PDE9A: variants seen among roughly 807,000 people sequenced by gnomAD.
PDE9A encodes high affinity cGMP-specific 3',5'-cyclic phosphodiesterase 9A.
PDE9A carries 60 observed loss-of-function variants against 87.4 expected under a neutral mutation model. The observed-to-expected ratio is 0.69, with a 90% CI of 0.56 to 0.85. The LOEUF (loss-of-function observed/expected upper bound fraction) is 0.85. PDE9A is among the 40% of genes least tolerant of loss of function. The pLI is 0.00. For synonymous variants in PDE9A, 272 were observed against 279.4 expected (o/e 0.97, Z 0.27); for missense variants, 665 against 779.0 (o/e 0.85, Z 1.74).
At chr21:42,655,244 G>A (rs535195570) in intron 1 of PDE9A, among the ~76,000 whole-genome samples, 5 of 152,194 alleles carry the variant, frequency 3.3e-5, no homozygotes, top group East Asian at 1.9e-4. Flanking sequence ...TTTTCTGCCC[G>A]ATAGATGAGA....
At position 42,769,112 on chromosome 21, in the gene PDE9A, T is replaced by G; in HGVS notation, c.1547T>G (p.Phe516Cys). ...ACCAAGGCCACAGCCCAGATTGGGT[T>G]CATCAAGTTTGTCCTGATCCCAATG... The part of the protein sequence containing the change: ...KVTKATAQIG[F>C]IKFVLIPMFE... Residue 516 changes from phenylalanine to cysteine, a missense_variant, in exon 17 of 20, where the codon TTC becomes TGC. Coordinates refer to ENST00000291539, the MANE Select transcript of PDE9A (RefSeq NM_002606.3). 1 of 1,613,958 alleles carries G rather than the reference T, an allele frequency of 6.2e-7. No individual in the cohort carries two copies. Among genetic ancestry groups the G allele is most frequent in the Non-Finnish European group, 8.5e-7 (1 of 1,179,846 alleles).
At chr21:42,753,296 A>T (rs2054627600) in intron 9 of PDE9A, among the ~76,000 whole-genome samples, 1 of 152,154 alleles carries the variant, frequency 6.6e-6, no homozygotes, top group South Asian at 2.1e-4. Context: ...ATGAGCCACC[A>T]TGCCCAGCTA....
intron 14 of PDE9A, among the ~76,000 whole-genome samples, chr21:42,763,342 T>C (rs1396899307): frequency 6.6e-6 from 1 of 152,120 alleles, no homozygotes; most frequent in Non-Finnish European, 1.5e-5. Context: ...GTGGATTGTC[T>C]AAGGGGGCCG....
intron 3 of PDE9A, among the ~76,000 whole-genome samples, chr21:42,698,320 G>T (rs2060251748): frequency 6.6e-6 from 1 of 152,176 alleles, no homozygotes; most frequent in Admixed American, 6.5e-5. Flanking sequence ...TCACTTGTGT[G>T]GATTTTTTCT....
At chr21:42,747,867 A>G (rs571887422) in intron 8 of PDE9A, among the ~76,000 whole-genome samples, 1 of 152,334 alleles carries the variant, frequency 6.6e-6, no homozygotes, top group East Asian at 1.9e-4. Flanking sequence ...GAGAAGGGGG[A>G]TGGGGACCCC....
chr21:42,724,727 G>A (rs2050868709), intron 4 of PDE9A: 3 of 388,200 alleles, frequency 7.7e-6, no homozygotes, highest in South Asian at 1.1e-4. Context: ...CTGACATGCT[G>A]GCCTGGGTGG....
At chr21:42,711,624 A>G (rs758551439) in intron 4 of PDE9A, among the ~76,000 whole-genome samples, 1 of 152,026 alleles carries the variant, frequency 6.6e-6, no homozygotes, top group African/African-American at 2.4e-5. Flanking sequence ...TACATTTTAG[A>G]AGATTTAGAG....
chr21:42,713,827 A>G (rs1006090950), intron 4 of PDE9A, among the ~76,000 whole-genome samples: 2 of 151,952 alleles, frequency 1.3e-5, no homozygotes, highest in African/African-American at 4.8e-5. Flanking sequence ...TACAATGTAT[A>G]TATTTCAAAA....
At chr21:42,754,578 A>C (rs2054821194) in intron 10 of PDE9A, among the ~76,000 whole-genome samples, 1 of 152,266 alleles carries the variant, frequency 6.6e-6, no homozygotes, top group South Asian at 2.1e-4. Flanking sequence ...GCTTGAGGCC[A>C]GGAATTCCAC....
At chr21:42,685,112 AG>A (rs1488529153) in intron 1 of PDE9A, among the ~76,000 whole-genome samples, 3 of 152,214 alleles carry the variant, frequency 2.0e-5, no homozygotes, top group South Asian at 2.1e-4. Context: ...GAAACTGTCC[AG>A]GGAGGCATCC....
At chr21:42,689,630 C>T (rs987726374) in intron 3 of PDE9A, 10 of 985,322 alleles carry the variant, frequency 1.0e-5, no homozygotes, top group Admixed American at 6.1e-5. Flanking sequence ...CATTTAAACT[C>T]GGCGGGAAAT....
At chr21:42,699,152 A>G (rs949619612) in intron 4 of PDE9A, 141 bp downstream of exon 4, 3 of 615,570 alleles carry the variant, frequency 4.9e-6, no homozygotes, top group Non-Finnish European at 8.7e-6. Context: ...GCATTTAACT[A>G]TATGTTAGTT....
chr21:42,766,405 T>C (rs750868073), intron 15 of PDE9A, among the ~76,000 whole-genome samples: 1 of 152,168 alleles, frequency 6.6e-6, no homozygotes, highest in Non-Finnish European at 1.5e-5. Context: ...GAGCCTTGTC[T>C]AAGCATCAGG....
At chr21:42,747,683 A>G (rs1318030212) in intron 8 of PDE9A, among the ~76,000 whole-genome samples, 3 of 152,224 alleles carry the variant, frequency 2.0e-5, no homozygotes, top group Non-Finnish European at 4.4e-5. Context: ...GGGCAGGGGC[A>G]GGTCTACCCC....
chr21:42,725,705 C>T (rs141042333), intron 4 of PDE9A, among the ~76,000 whole-genome samples: 216 of 152,310 alleles, frequency 1.4e-3, no homozygotes, highest in African/African-American at 5.0e-3. Flanking sequence ...AGTCATACTC[C>T]GCGGTATGGA....
intron 7 of PDE9A, among the ~76,000 whole-genome samples, chr21:42,738,088 T>TA (rs1457208103): frequency 6.6e-6 from 1 of 152,168 alleles, no homozygotes; most frequent in Non-Finnish European, 1.5e-5. Context: ...CAGGGCCCTT[T>TA]ACTCCCTTCC....
rs142137860 is a variant in PDE9A at position 42,688,897 on chromosome 21, C to T, written c.218+903C>T. 5.5e-4 allele frequency among the ~76,000 whole-genome samples: 84 copies of T among 152,130 alleles called. 1 individual carries two copies. In the East Asian group the frequency reaches 0.012, roughly 22 times the overall value. ...CTTGTGTCAGTGAGGTCCCAGTGGG[C>T]GTGGCCAGCACCGTCCCCCTCAGTG... On this transcript the variant is annotated intron_variant, in intron 3 of 19. Transcript: ENST00000291539.
At chr21:42,663,169 C>G (rs1168645794) in intron 1 of PDE9A, among the ~76,000 whole-genome samples, 1 of 150,768 alleles carries the variant, frequency 6.6e-6, no homozygotes, top group Non-Finnish European at 1.5e-5. Flanking sequence ...ACATCACACA[C>G]ACATCACACA....
At chr21:42,662,179 G>A (rs1274710633) in intron 1 of PDE9A, among the ~76,000 whole-genome samples, 1 of 152,108 alleles carries the variant, frequency 6.6e-6, no homozygotes, top group East Asian at 1.9e-4. Flanking sequence ...TCCATGTCAT[G>A]GATTTAAGGC....
Sources: gnomAD v4.1 joint callset for allele counts (sites outside exome capture counted in the v4.1 genomes callset) on GRCh38, gnomAD v4.1.1 for gene constraint, MANE v1.5 for transcripts, NCBI Gene and HGNC (gene_info 2026-07-23, HGNC 2026-07-21) for gene names.